NME7: variants seen among roughly 807,000 people sequenced by gnomAD.
The protein encoded by NME7 is NME/NM23 family member 7.
In NME7, 41 loss-of-function variants were observed where a neutral mutation model predicts 49.1. That is an observed-to-expected ratio of 0.83 (90% CI 0.65 to 1.08). NME7 has a LOEUF of 1.08. NME7 is among the 50% of genes least tolerant of loss of function. The probability of loss-of-function intolerance (pLI) is 0.00; values close to 1 mark genes in which losing one functional copy is unlikely to be tolerated. For synonymous variants in NME7, 139 were observed against 150.6 expected (o/e 0.92, Z 0.56); for missense variants, 423 against 463.4 (o/e 0.91, Z 0.80).
At chr1:169,209,927 C>A (rs1231527587) in intron 10 of NME7, among the ~76,000 whole-genome samples, 2 of 152,042 alleles carry the variant, frequency 1.3e-5, no homozygotes, top group Non-Finnish European at 2.9e-5. Flanking sequence ...TAAGCTAGAG[C>A]CTCCTGTTAT....
chr1:169,273,567 C>T lies in NME7; in HGVS notation c.754+13736G>A, dbSNP rs1178822721. ...TGCTGGTGTGCTGCACCCATTGACTCGTCATTTAGCATTAGGTATATCTCC... is the reference window on the plus strand; with the variant it reads ...TGCTGGTGTGCTGCACCCATTGACTTGTCATTTAGCATTAGGTATATCTCC... On this transcript the variant is annotated intron_variant, in intron 7 of 11. Coordinates refer to ENST00000367811, the MANE Select transcript of NME7 (RefSeq NM_013330.5). Among the ~76,000 whole-genome samples the T allele has an allele frequency of 1.4e-4, 18 of 130,844 alleles. 2 individuals carry two copies. The highest frequency in any genetic ancestry group is 4.7e-4 in the African/African-American group (18 of 38,706). The allele number at this position is 130,844 out of a possible 152,430, so 85.8% of individuals were successfully genotyped here.
chr1:169,330,388 A>G (rs925903297), intron 1 of NME7, among the ~76,000 whole-genome samples: 1 of 152,170 alleles, frequency 6.6e-6, no homozygotes. Context: ...GGCTACTAAG[A>G]AGTCAAAATG....
chr1:169,155,538 T>C (rs764727770), intron 11 of NME7, among the ~76,000 whole-genome samples: 1 of 152,250 alleles, frequency 6.6e-6, no homozygotes, highest in Non-Finnish European at 1.5e-5. Context: ...TCGACCATCA[T>C]GCCTTTGGCA....
chr1:169,298,825 C>G (rs372996352), intron 5 of NME7, 62 bp from the exon 6 acceptor site: 4 of 1,282,158 alleles, frequency 3.1e-6, no homozygotes, highest in Non-Finnish European at 4.5e-6. Context: ...TTTGTCTTAA[C>G]GACAGGATAT....
rs1659760401 is a variant in NME7 at position 169,176,656 on chromosome 1, AG to A, written c.991-7103del. On this transcript the variant is annotated intron_variant, in intron 10 of 11. Transcript: ENST00000367811. Reference sequence around the variant, plus strand: ...TCTGTTTGCTGTTTCAGCCAACAATAGGAACTGGCTGAAGTGAAAATGAAGT... The same window carrying A: ...TCTGTTTGCTGTTTCAGCCAACAATAGAACTGGCTGAAGTGAAAATGAAGT... 2.6e-5 allele frequency among the ~76,000 whole-genome samples: 4 copies of A among 152,234 alleles called. No homozygotes were observed. The East Asian group carries it at 5.8e-4, about 22-fold the overall frequency.
At chr1:169,258,849 G>T (rs1005986216) in intron 7 of NME7, among the ~76,000 whole-genome samples, 1 of 132,978 alleles carries the variant, frequency 7.5e-6, no homozygotes, top group Non-Finnish European at 1.8e-5. Context: ...TCTTTAGCAT[G>T]ACCTGGGAAC....
chr1:169,271,486 T>C lies in NME7; in HGVS notation c.754+15817A>G, dbSNP rs1267767688. 1.5e-5 allele frequency among the ~76,000 whole-genome samples: 2 copies of C among 133,600 alleles called. 1 individual carries two copies. The highest frequency in any genetic ancestry group is 3.5e-5 in the Non-Finnish European group (2 of 57,022). The allele number at this position is 133,600 out of a possible 152,430, so 87.6% of individuals were successfully genotyped here. On this transcript the variant is annotated intron_variant, in intron 7 of 11. Transcript: ENST00000367811. ...CTACAAACCTTCAACCATTATTATA[T>C]CATGAACGCTGTCGTCTCAATCAGA...
chr1:169,239,563 G>A (rs1217177307), intron 7 of NME7, among the ~76,000 whole-genome samples: 1 of 152,008 alleles, frequency 6.6e-6, no homozygotes, highest in African/African-American at 2.4e-5. Context: ...TTATAGAGTA[G>A]GAAACTGATC....
chr1:169,228,501 C>G (rs915926861), intron 10 of NME7, among the ~76,000 whole-genome samples: 11 of 151,240 alleles, frequency 7.3e-5, no homozygotes, highest in African/African-American at 2.7e-4. Flanking sequence ...CAAGGTGAAA[C>G]CCCGTCTCTA....
At chr1:169,166,703 C>CGTGGT (rs1557969988) in intron 11 of NME7, among the ~76,000 whole-genome samples, 1 of 152,132 alleles carries the variant, frequency 6.6e-6, no homozygotes, top group Non-Finnish European at 1.5e-5. Flanking sequence ...GTTGGCCAGG[C>CGTGGT]GTGGTGGCTC....
At chr1:169,363,206 TC>T (rs1334758941) in intron 1 of NME7, among the ~76,000 whole-genome samples, 1 of 151,694 alleles carries the variant, frequency 6.6e-6, no homozygotes, top group East Asian at 1.9e-4. Flanking sequence ...ACCACTACAT[TC>T]CTGCTGGGTG....
At chr1:169,185,144 A>G (rs1288864322) in intron 10 of NME7, among the ~76,000 whole-genome samples, 19 of 152,184 alleles carry the variant, frequency 1.2e-4, no homozygotes, top group Admixed American at 1.2e-3. Flanking sequence ...TGCAATTGAG[A>G]GTCAGCATGA....
intron 11 of NME7, among the ~76,000 whole-genome samples, chr1:169,160,526 A>G (rs1291618580): frequency 1.3e-5 from 2 of 152,108 alleles, no homozygotes; most frequent in Non-Finnish European, 2.9e-5. Context: ...ATATTATATA[A>G]TACTCCAAGG....
intron 7 of NME7, among the ~76,000 whole-genome samples, chr1:169,247,536 G>A (rs1558005857): frequency 6.6e-6 from 1 of 151,964 alleles, no homozygotes; most frequent in African/African-American, 2.4e-5. Context: ...TTGGTCACAC[G>A]GATGAATTAT....
At chr1:169,148,473 C>T (rs1406798820) in intron 11 of NME7, among the ~76,000 whole-genome samples, 1 of 130,992 alleles carries the variant, frequency 7.6e-6, no homozygotes, top group Non-Finnish European at 1.7e-5. Flanking sequence ...ACAATTTTCA[C>T]CCTAAAGCCA....
intron 2 of NME7, among the ~76,000 whole-genome samples, 161 bp downstream of exon 2, chr1:169,324,232 T>C (rs546601024): frequency 6.6e-6 from 1 of 152,270 alleles, no homozygotes; most frequent in African/African-American, 2.4e-5. Context: ...GTTAACTTCT[T>C]ATATTGGAAT....
chr1:169,302,352 C>A (rs947021587), intron 5 of NME7: 1 of 152,064 alleles, frequency 6.6e-6, no homozygotes, highest in Non-Finnish European at 1.5e-5. Context: ...ATGGAATCAA[C>A]CCAGGCGCCC....
chr1:169,248,330 T>C (rs1398629943), intron 7 of NME7, among the ~76,000 whole-genome samples: 1 of 152,146 alleles, frequency 6.6e-6, no homozygotes, highest in African/African-American at 2.4e-5. Context: ...GATGGGATTT[T>C]TTTTTCTTGT....
At chr1:169,243,005 T>C (rs1158584517) in intron 7 of NME7, among the ~76,000 whole-genome samples, 1 of 152,082 alleles carries the variant, frequency 6.6e-6, no homozygotes, top group African/African-American at 2.4e-5. Flanking sequence ...AAAATTGTTA[T>C]CAAAATACCA....
Sources: allele counts gnomAD v4.1 joint callset (sites outside exome capture counted in the v4.1 genomes callset), GRCh38; gene constraint gnomAD v4.1.1; transcripts MANE v1.5; gene names NCBI Gene and HGNC (gene_info 2026-07-23, HGNC 2026-07-21).